The following CTDSPL2 variants were observed in gnomAD, a reference collection of about 807,000 sequenced individuals.
The protein encoded by CTDSPL2 is CTD small phosphatase-like protein 2.
CTDSPL2 carries 5 observed loss-of-function variants against 60.0 expected under a neutral mutation model. The ratio of observed to expected loss-of-function variants is 0.08; its 90% CI spans 0.04 to 0.18. The LOEUF (loss-of-function observed/expected upper bound fraction) is 0.18. Ranked by LOEUF, CTDSPL2 falls within the 10% of genes least tolerant of loss-of-function variation. The pLI is 1.00. For missense variants in CTDSPL2, 370 were observed against 548.8 expected, an observed-to-expected ratio of 0.67 and a Z score of 3.26; for synonymous variants, 186 against 189.3, an observed-to-expected ratio of 0.98 and a Z score of 0.14.
chr15:44,453,760 C>A (rs1367009733), intron 1 of CTDSPL2, among the ~76,000 whole-genome samples: 4 of 151,984 alleles, frequency 2.6e-5, no homozygotes, highest in South Asian at 2.1e-4. Flanking sequence ...TGAACTCATC[C>A]TTTTTTATGG....
intron 1 of CTDSPL2, 176 bp downstream of exon 1, chr15:44,427,948 C>T: frequency 2.9e-6 from 1 of 346,384 alleles, no homozygotes; most frequent in Non-Finnish European, 5.2e-6. Context: ...CCGCTCCTGT[C>T]TGGACTTTCC....
At chr15:44,438,234 A>G (rs1480489208) in intron 1 of CTDSPL2, among the ~76,000 whole-genome samples, 1 of 151,554 alleles carries the variant, frequency 6.6e-6, no homozygotes, top group Non-Finnish European at 1.5e-5. Flanking sequence ...ACTGCGCTCC[A>G]GCCTGGGTGA....
At chr15:44,503,320 C>T (rs2081410104) in intron 8 of CTDSPL2, 1 of 152,052 alleles carries the variant, frequency 6.6e-6, no homozygotes, top group Admixed American at 6.6e-5. Context: ...TGCATGATCA[C>T]TTTTATTGCA....
intron 2 of CTDSPL2, among the ~76,000 whole-genome samples, chr15:44,465,940 CT>C (rs201191030): frequency 0.066 from 8,735 of 131,590 alleles, 622 homozygotes; most frequent in African/African-American, 0.17. Flanking sequence ...GTCTTGAACT[CT>C]TTTTTTTTTT....
chr15:44,515,054 C>T (rs1405393803), intron 10 of CTDSPL2, among the ~76,000 whole-genome samples: 3 of 152,044 alleles, frequency 2.0e-5, no homozygotes, highest in African/African-American at 4.8e-5. Flanking sequence ...AGATCCAGTG[C>T]CTTTATTCAC....
At chr15:44,436,013 C>A (rs2079974998) in intron 1 of CTDSPL2, among the ~76,000 whole-genome samples, 1 of 152,078 alleles carries the variant, frequency 6.6e-6, no homozygotes, top group South Asian at 2.1e-4. Flanking sequence ...AAGTCCTCCT[C>A]CTCCTTTTAT....
rs185920157 is a variant in CTDSPL2, at chr15:44,491,906, C to T, written c.691+907C>T. Among the ~76,000 whole-genome samples, 18 of 152,182 alleles carry T rather than the reference C, an allele frequency of 1.2e-4. No individual in the cohort carries two copies. The East Asian group carries it at 2.3e-3, about 20-fold the overall frequency. ...GGGTGGAGTCTCACTCTGTCGCCCA[C>T]GCTGGACAGTGCAGTGGCATGATCT... On this transcript the variant is annotated intron_variant, in intron 5 of 12. Transcript: ENST00000260327.
intron 1 of CTDSPL2, among the ~76,000 whole-genome samples, chr15:44,436,300 A>G (rs1159561575): frequency 6.6e-6 from 1 of 152,234 alleles, no homozygotes; most frequent in Admixed American, 6.5e-5. Flanking sequence ...GAGGTCATCT[A>G]GTCCAATAAC....
intron 2 of CTDSPL2, among the ~76,000 whole-genome samples, chr15:44,466,419 G>A (rs1019135988): frequency 1.3e-5 from 2 of 152,202 alleles, no homozygotes; most frequent in South Asian, 4.1e-4. Flanking sequence ...TGGAGGAAAC[G>A]ACAGTTTAAG....
chr15:44,479,177 G>A (rs922854582), intron 2 of CTDSPL2, among the ~76,000 whole-genome samples: 1 of 151,856 alleles, frequency 6.6e-6, no homozygotes, highest in African/African-American at 2.4e-5. Context: ...GCTTGAACCT[G>A]GGAATTTGAG....
intron 2 of CTDSPL2, among the ~76,000 whole-genome samples, chr15:44,468,373 C>T (rs2080738570): frequency 6.6e-6 from 1 of 152,026 alleles, no homozygotes; most frequent in Non-Finnish European, 1.5e-5. Context: ...AATGGTGCTC[C>T]TCTTTTCATT....
At chr15:44,466,008 C>T (rs2080680399) in intron 2 of CTDSPL2, among the ~76,000 whole-genome samples, 1 of 151,722 alleles carries the variant, frequency 6.6e-6, no homozygotes, top group African/African-American at 2.4e-5. Context: ...CATGTTGGCT[C>T]ACTGCAACCT....
intron 1 of CTDSPL2, chr15:44,448,910 C>T (rs1178748681): frequency 1.7e-5 from 7 of 417,716 alleles, no homozygotes; most frequent in African/African-American, 1.5e-4. Flanking sequence ...TGCACAGCTT[C>T]AGTGGACTGT....
intron 1 of CTDSPL2, among the ~76,000 whole-genome samples, chr15:44,456,580 C>T (rs750046362): frequency 9.9e-5 from 15 of 152,184 alleles, no homozygotes; most frequent in Admixed American, 1.3e-4. Context: ...TCTGTGGAAT[C>T]AGTGATGATA....
chr15:44,506,412 CTTTTTT>C (rs764238056), intron 8 of CTDSPL2, among the ~76,000 whole-genome samples: 17 of 112,396 alleles, frequency 1.5e-4, no homozygotes, highest in African/African-American at 2.6e-4. Context: ...CCTACTTTGA[CTTTTTT>C]TTTTTTTTTT....
At chr15:44,483,566 A>G (rs1162669796) in intron 2 of CTDSPL2, among the ~76,000 whole-genome samples, 1 of 152,116 alleles carries the variant, frequency 6.6e-6, no homozygotes. Flanking sequence ...CAAATTAGAA[A>G]ACTATATATA....
chr15:44,482,452 GT>G (rs1378646715), intron 2 of CTDSPL2, among the ~76,000 whole-genome samples: 1 of 152,346 alleles, frequency 6.6e-6, no homozygotes, highest in East Asian at 1.9e-4. Flanking sequence ...ATGAATGTAT[GT>G]ATGTATGTTA....
At chr15:44,464,772 T>C (rs1298298365) in intron 2 of CTDSPL2, among the ~76,000 whole-genome samples, 1 of 152,194 alleles carries the variant, frequency 6.6e-6, no homozygotes, top group Non-Finnish European at 1.5e-5. Flanking sequence ...AGTGGCGCTG[T>C]CTCAGCTCAT....
At chr15:44,466,741 G>C (rs904570453) in intron 2 of CTDSPL2, among the ~76,000 whole-genome samples, 1 of 151,094 alleles carries the variant, frequency 6.6e-6, no homozygotes, top group East Asian at 2.0e-4. Context: ...TCAGGAGATC[G>C]AGACCACAGT....
Sources: allele counts gnomAD v4.1 joint callset (sites outside exome capture counted in the v4.1 genomes callset), GRCh38; gene constraint gnomAD v4.1.1; transcripts MANE v1.5; gene names NCBI Gene and HGNC (gene_info 2026-07-23, HGNC 2026-07-21).